MIB1: variants seen among roughly 807,000 people sequenced by gnomAD.
MIB1 encodes E3 ubiquitin-protein ligase MIB1.
MIB1 carries 278 observed loss-of-function variants against 124.5 expected under a neutral mutation model. The ratio of observed to expected loss-of-function variants is 2.23; its 90% CI spans 2.02 to 2.47. The LOEUF is 2.47. Ranked by LOEUF, MIB1 falls within the 30% of genes most tolerant of loss-of-function variation. The pLI is 0.00. For synonymous variants in MIB1, 446 were observed against 429.4 expected (o/e 1.04, Z -0.48); for missense variants, 957 against 1,254.4 (o/e 0.76, Z 3.58).
At chr18:21,758,159 A>G (rs1008286373) in intron 1 of MIB1, among the ~76,000 whole-genome samples, 1 of 152,232 alleles carries the variant, frequency 6.6e-6, no homozygotes, top group Non-Finnish European at 1.5e-5. Flanking sequence ...ATGTGTGTAA[A>G]GAACCAAGCT....
At chr18:21,836,009 G>A (rs1441993405) in intron 12 of MIB1, among the ~76,000 whole-genome samples, 1 of 151,930 alleles carries the variant, frequency 6.6e-6, no homozygotes, top group African/African-American at 2.4e-5. Context: ...AGCACTTTGG[G>A]AGGCTAAGGC....
At chr18:21,714,101 A>T (rs536789577) in intron 1 of MIB1, among the ~76,000 whole-genome samples, 43 of 151,926 alleles carry the variant, frequency 2.8e-4, no homozygotes, top group Non-Finnish European at 5.2e-4. Flanking sequence ...ATATCCATGC[A>T]CAGAGGAGTC....
rs1207376574 is a variant in MIB1 at position 21,791,213 on chromosome 18, A to G, written c.909-161A>G. On this transcript the variant is annotated intron_variant, in intron 6 of 20. Coordinates refer to ENST00000261537, the MANE Select transcript of MIB1 (RefSeq NM_020774.4). Reference sequence around the variant, plus strand: ...AAAAAAACAAAACAGAAAACAAACAATGTATCAATATATATGTATTTGTGT... The same window carrying G: ...AAAAAAACAAAACAGAAAACAAACAGTGTATCAATATATATGTATTTGTGT... 53 of 495,326 alleles carry G rather than the reference A, an allele frequency of 1.1e-4. 1 individual carries two copies. In the Admixed American group the frequency reaches 1.9e-3, roughly 17 times the overall value. 30.7% of individuals were successfully genotyped at this position (495,326 alleles called of 1,614,324 possible). A position where few individuals can be genotyped will look rare whatever the true frequency, so the allele number is the denominator to read the frequency against.
Position 21,779,523 on chromosome 18 carries a change from G to T in MIB1, c.746G>T (p.Gly249Val). 6.2e-7 allele frequency: 1 copy of T among 1,614,104 alleles called. No individual in the cohort carries two copies. Among genetic ancestry groups the T allele is most frequent in the Non-Finnish European group, 8.5e-7 (1 of 1,179,996 alleles). The change falls in exon 6 of 21, where the codon GGT becomes GTT. Residue 249 changes from glycine (G) to valine (V), a missense_variant. Gly to Val is a moderately radical substitution (Grantham distance 109, BLOSUM62 -3). Transcript: ENST00000261537. ...AGGAATCCTGGTGGATTGCAGATTG[G>T]TGACCTGGTAAATATAGATCTCGAC... ...GNRNPGGLQI[G>V]DLVNIDLDLE...
At chr18:21,725,670 T>A (rs1476782743) in intron 1 of MIB1, among the ~76,000 whole-genome samples, 1 of 151,872 alleles carries the variant, frequency 6.6e-6, no homozygotes, top group Non-Finnish European at 1.5e-5. Flanking sequence ...AAACATAAAG[T>A]AAATAAAAGC....
At chr18:21,765,264 C>T (rs956294194) in intron 1 of MIB1, among the ~76,000 whole-genome samples, 9 of 152,160 alleles carry the variant, frequency 5.9e-5, no homozygotes, top group Non-Finnish European at 1.2e-4. Flanking sequence ...GCTTCCTAAT[C>T]ATTTTCTAAC....
At chr18:21,790,831 A>G (rs1568203068) in intron 6 of MIB1, among the ~76,000 whole-genome samples, 1 of 152,220 alleles carries the variant, frequency 6.6e-6, no homozygotes, top group Non-Finnish European at 1.5e-5. Flanking sequence ...GAATAGACAA[A>G]CGTATACCAA....
intron 7 of MIB1, among the ~76,000 whole-genome samples, chr18:21,795,313 TTATATATAATATATAAATATATAA>T (rs1418334222): frequency 1.4e-4 from 19 of 133,194 alleles, no homozygotes; most frequent in African/African-American, 4.6e-4. Context: ...TAAATATATA[TTATATATAATATATAAATATATAA>T]TATATATAAT....
upstream of MIB1, among the ~76,000 whole-genome samples, chr18:21,740,761 C>CT (rs2040837456): frequency 6.6e-6 from 1 of 152,374 alleles, no homozygotes; most frequent in African/African-American, 2.4e-5. Flanking sequence ...ACCGTCCGCC[C>CT]TTTTTCTAGA....
At chr18:21,830,425 TAAA>T (rs971982669) in intron 12 of MIB1, among the ~76,000 whole-genome samples, 15 of 152,172 alleles carry the variant, frequency 9.9e-5, no homozygotes, top group Non-Finnish European at 5.9e-5. Flanking sequence ...ATTTTTAAGA[TAAA>T]AAGTTACTGC....
intron 12 of MIB1, chr18:21,825,682 G>A (rs1260558553): frequency 3.8e-6 from 2 of 530,064 alleles, no homozygotes; most frequent in Non-Finnish European, 7.8e-6. Flanking sequence ...TGAAAACGTT[G>A]GTTGTCCCGT....
intron 12 of MIB1, chr18:21,825,911 A>G: frequency 2.8e-6 from 1 of 354,650 alleles, no homozygotes; most frequent in South Asian, 2.0e-5. Context: ...CAAATTTTCC[A>G]TTTTGAAGTC....
intron 1 of MIB1, among the ~76,000 whole-genome samples, chr18:21,717,626 G>C (rs1307001754): frequency 2.6e-5 from 4 of 151,902 alleles, no homozygotes; most frequent in African/African-American, 9.7e-5. Flanking sequence ...AATACAAATG[G>C]CCAAAAAAAT....
At chr18:21,737,618 T>A (rs1375573032), upstream of MIB1, among the ~76,000 whole-genome samples, 1 of 152,126 alleles carries the variant, frequency 6.6e-6, no homozygotes, top group Non-Finnish European at 1.5e-5. Flanking sequence ...ATTGGTGTGC[T>A]GTATTCAGGA....
chr18:21,839,256 T>C (rs1299579097), intron 13 of MIB1, among the ~76,000 whole-genome samples: 1 of 152,134 alleles, frequency 6.6e-6, no homozygotes, highest in African/African-American at 2.4e-5. Flanking sequence ...ACTACAGAAA[T>C]TTAAAGAAAT....
chr18:21,770,485 GT>G (rs1379312124), intron 3 of MIB1, among the ~76,000 whole-genome samples: 1 of 151,816 alleles, frequency 6.6e-6, no homozygotes, highest in Non-Finnish European at 1.5e-5. Context: ...CTTCCTTTTT[GT>G]TTTTCTAATA....
intron 1 of MIB1, among the ~76,000 whole-genome samples, chr18:21,727,597 A>C (rs1394277201): frequency 6.6e-6 from 1 of 152,134 alleles, no homozygotes; most frequent in Non-Finnish European, 1.5e-5. Context: ...CAAACAAACA[A>C]ACAAAAACAA....
intron 1 of MIB1, among the ~76,000 whole-genome samples, chr18:21,733,894 A>G (rs1258544558): frequency 6.6e-6 from 1 of 151,446 alleles, no homozygotes; most frequent in Non-Finnish European, 1.5e-5. Context: ...TAGTAGAGAC[A>G]GGGTTTCTCC....
At chr18:21,823,801 T>A (rs905566972) in intron 12 of MIB1, among the ~76,000 whole-genome samples, 2 of 152,224 alleles carry the variant, frequency 1.3e-5, no homozygotes, top group African/African-American at 4.8e-5. Flanking sequence ...GCTGTTTGTC[T>A]GTTCTGATAG....
Sources: allele counts gnomAD v4.1 joint callset (sites outside exome capture counted in the v4.1 genomes callset), GRCh38; gene constraint gnomAD v4.1.1; transcripts MANE v1.5; gene names NCBI Gene and HGNC (gene_info 2026-07-23, HGNC 2026-07-21).